Variants in LGMN observed in about 807,000 individuals in gnomAD.
LGMN encodes legumain.
Under a neutral mutation model 56.8 loss-of-function variants are expected in LGMN, and 36 were observed. The observed-to-expected ratio is 0.63, with a 90% confidence interval of 0.49 to 0.84. The LOEUF (loss-of-function observed/expected upper bound fraction) is 0.84. Ranked by LOEUF, LGMN falls within the 40% of genes least tolerant of loss-of-function variation. The pLI is 0.00. For missense variants in LGMN, 446 were observed against 556.1 expected (o/e 0.80, Z 1.99); for synonymous variants, 199 against 210.1 (o/e 0.95, Z 0.46).
chr14:92,705,016 G>A (rs555944250), intron 12 of LGMN: 14 of 304,768 alleles, frequency 4.6e-5, no homozygotes, highest in East Asian at 1.1e-4. Context: ...GGATCTCCCC[G>A]GGAAGTCTGC....
intron 2 of LGMN, among the ~76,000 whole-genome samples, chr14:92,723,940 C>T (rs1328303335): frequency 1.3e-5 from 2 of 152,132 alleles, no homozygotes; most frequent in Admixed American, 6.5e-5. Flanking sequence ...CCATGTTGGC[C>T]AGGCTGGTCT....
At chr14:92,747,275 C>T (rs1394151903) in intron 1 of LGMN, among the ~76,000 whole-genome samples, 1 of 151,922 alleles carries the variant, frequency 6.6e-6, no homozygotes, top group Admixed American at 6.6e-5. Context: ...GGGCGGATCA[C>T]TTGTCAGGAG....
At position 92,711,738 on chromosome 14, in the gene LGMN, G is replaced by A. The variant is rs1173740360; in HGVS notation, c.740C>T (p.Thr247Ile). 1 of 1,614,144 alleles carries A rather than the reference G, an allele frequency of 6.2e-7. No individual in the cohort carries two copies. Among genetic ancestry groups the A allele is most frequent in the East Asian group, 2.2e-5 (1 of 44,884 alleles). ...GTACTGCTTGTGCAGGGTCTCTTTA[G>A]TCAGATCTTCCTGCAAAAAGTGAGA... is the stretch of plus-strand genomic sequence containing the variant. Reference protein sequence around the residue: ...WMEDSDVEDLTKETLHKQYHL... With the variant: ...WMEDSDVEDLIKETLHKQYHL... Residue 247 changes from threonine to isoleucine, a missense_variant, in exon 10 of 14, where the codon ACT becomes ATT. Thr to Ile is a moderately conservative substitution (Grantham distance 89). Transcript: ENST00000334869.
At chr14:92,744,449 A>G (rs1891722601) in intron 1 of LGMN, among the ~76,000 whole-genome samples, 1 of 152,206 alleles carries the variant, frequency 6.6e-6, no homozygotes, top group African/African-American at 2.4e-5. Flanking sequence ...TGCAAATTCA[A>G]TTCAGTATTT....
intron 2 of LGMN, among the ~76,000 whole-genome samples, chr14:92,719,265 C>T (rs1263597326): frequency 1.8e-4 from 3 of 16,462 alleles, no homozygotes; most frequent in East Asian, 1.4e-3. Flanking sequence ...CCACCGCCAC[C>T]GCCGCCGCCG....
At chr14:92,722,138 G>A (rs977056710) in intron 2 of LGMN, among the ~76,000 whole-genome samples, 1 of 151,662 alleles carries the variant, frequency 6.6e-6, no homozygotes, top group Non-Finnish European at 1.5e-5. Flanking sequence ...GGAAGGGAAG[G>A]AGAGTCCATC....
At chr14:92,742,666 TAGA>T (rs545862472) in intron 1 of LGMN, among the ~76,000 whole-genome samples, 146 of 151,988 alleles carry the variant, frequency 9.6e-4, no homozygotes, top group African/African-American at 3.5e-3. Context: ...GAGGCTGAGG[TAGA>T]AGGATTGCTA....
At chr14:92,719,146 ACCACCGCCACTG>A (rs1890228860) in intron 2 of LGMN, among the ~76,000 whole-genome samples, 2 of 117,982 alleles carry the variant, frequency 1.7e-5, no homozygotes, top group Non-Finnish European at 3.5e-5. Flanking sequence ...CACCGCCACC[ACCACCGCCACTG>A]CCACCACCAC....
rs1348962049 is a variant in LGMN at position 92,709,707 on chromosome 14, T to G, written c.985A>C (p.Arg329=). The change falls in exon 11 of 14, where the codon AGG becomes CGG. Residue 329 remains arginine, a synonymous_variant. Coordinates refer to ENST00000334869, the MANE Select transcript of LGMN (RefSeq NM_005606.7). The part of the protein sequence containing the change: ...LMNTNDLEES[R]QLTEEIQRHL... ...CGCTGGATCTCCTCCGTGAGCTGCC[T>G]GGACTCCTCCAGATCATTGGTGTTC... 2.5e-6 allele frequency: 4 copies of G among 1,613,704 alleles called. No individual in the cohort carries two copies. The highest frequency in any genetic ancestry group is 3.4e-6 in the Non-Finnish European group (4 of 1,179,890).
At chr14:92,734,893 G>A (rs1891228148) in intron 1 of LGMN, among the ~76,000 whole-genome samples, 1 of 152,156 alleles carries the variant, frequency 6.6e-6, no homozygotes, top group Non-Finnish European at 1.5e-5. Flanking sequence ...TCGCCACTCA[G>A]CCAGAGTCTC....
At chr14:92,718,905 A>G (rs1250845390) in intron 2 of LGMN, 61 bp from the exon 3 acceptor site, 4 of 1,137,910 alleles carry the variant, frequency 3.5e-6, no homozygotes, top group African/African-American at 1.5e-5. Flanking sequence ...TTGGAGTTCT[A>G]AGGAGTGATG....
intron 1 of LGMN, chr14:92,741,599 T>G (rs1280079448): frequency 6.6e-6 from 1 of 152,164 alleles, no homozygotes; most frequent in Non-Finnish European, 1.5e-5. Context: ...ACCTGTAATC[T>G]TAGCACTTCA....
chr14:92,740,349 C>T (rs1891492926), intron 1 of LGMN, among the ~76,000 whole-genome samples: 4 of 152,210 alleles, frequency 2.6e-5, no homozygotes, highest in South Asian at 4.1e-4. Context: ...GACCACACAA[C>T]GTGCAAGACA....
chr14:92,739,017 CAA>C (rs771147697), intron 1 of LGMN, among the ~76,000 whole-genome samples: 3 of 72,646 alleles, frequency 4.1e-5, no homozygotes, highest in Admixed American at 1.6e-4. Context: ...GACTCTGTCT[CAA>C]AAAAAAAAAA....
rs1566924719 is a variant in LGMN at position 92,719,332 on chromosome 14, ACCG to A, written c.139-491_139-489del. On this transcript the variant is annotated intron_variant, in intron 2 of 13. Coordinates refer to ENST00000334869, the MANE Select transcript of LGMN (RefSeq NM_005606.7). ...CGCCACCGCCGCCGCCGCCACCGCC[ACCG>A]CCATCACCGCCACCACCACCAACAC... is the stretch of plus-strand genomic sequence containing the variant. 9.3e-4 allele frequency among the ~76,000 whole-genome samples: 78 copies of A among 83,440 alleles called. 1 individual carries two copies. Among genetic ancestry groups the A allele is most frequent in the South Asian group, 4.1e-3 (9 of 2,210 alleles). The allele number at this position is 83,440 out of a possible 152,430, so 54.7% of individuals were successfully genotyped here. A position where few individuals can be genotyped will look rare whatever the true frequency, so the allele number is the denominator to read the frequency against.
At chr14:92,745,883 G>A (rs1242096) in intron 1 of LGMN, among the ~76,000 whole-genome samples, 12 of 151,480 alleles carry the variant, frequency 7.9e-5, no homozygotes, top group Admixed American at 1.3e-4. Context: ...GTGCAGTGGC[G>A]CCATCTCGGC....
rs542394658 is a variant in LGMN, at chr14:92,704,092, A to G, written c.*227T>C. ...CTAGAAAGCAAATATGACCCTTCTCAATACAGAGCTTTTCCCACCCTAATT... is the reference window on the plus strand; with the variant it reads ...CTAGAAAGCAAATATGACCCTTCTCGATACAGAGCTTTTCCCACCCTAATT... On this transcript the variant is annotated 3_prime_UTR_variant, in exon 14 of 14. Transcript: ENST00000334869. 19 of 706,638 alleles carry G rather than the reference A, an allele frequency of 2.7e-5. No individual in the cohort carries two copies. In the East Asian group the frequency reaches 5.1e-4, roughly 19 times the overall value. 43.8% of individuals were successfully genotyped at this position (706,638 alleles called of 1,614,324 possible). A position where few individuals can be genotyped will look rare whatever the true frequency, so the allele number is the denominator to read the frequency against.
chr14:92,725,462 C>T (rs532560948), intron 2 of LGMN, among the ~76,000 whole-genome samples: 21 of 152,186 alleles, frequency 1.4e-4, no homozygotes, highest in African/African-American at 4.6e-4. Context: ...GAGGATCCCT[C>T]GAGCCCAGGA....
rs550028180 is a variant in LGMN at position 92,737,710 on chromosome 14, C to G, written c.-29-4895G>C. Among the ~76,000 whole-genome samples the G allele has an allele frequency of 1.5e-3, 233 of 152,304 alleles. No individual in the cohort carries two copies. The Middle Eastern group carries it at 0.024, about 16-fold the overall frequency. Reference sequence around the variant, plus strand: ...ATCACTTTCTTTGTACCAGATCTTGCTCTTGTTAATTGGACTCTGGAAGTG... The same window carrying G: ...ATCACTTTCTTTGTACCAGATCTTGGTCTTGTTAATTGGACTCTGGAAGTG... On this transcript the variant is annotated intron_variant, in intron 1 of 13. Coordinates refer to ENST00000334869, the MANE Select transcript of LGMN (RefSeq NM_005606.7).
Sources: gnomAD v4.1 joint callset for allele counts (sites outside exome capture counted in the v4.1 genomes callset) on GRCh38, gnomAD v4.1.1 for gene constraint, MANE v1.5 for transcripts, NCBI Gene and HGNC (gene_info 2026-07-23, HGNC 2026-07-21) for gene names.